MAF: variants seen among roughly 807,000 people sequenced by gnomAD.
The protein encoded by MAF is transcription factor Maf.
Under a neutral mutation model 22.0 loss-of-function variants are expected in MAF, and 10 were observed. The observed-to-expected ratio is 0.45, with a 90% CI of 0.28 to 0.77. The LOEUF (loss-of-function observed/expected upper bound fraction) is 0.77. MAF is among the 30% of genes least tolerant of loss of function. The pLI, the probability that MAF is intolerant of heterozygous loss-of-function variation, is 0.12. For missense variants in MAF, 544 were observed against 548.4 expected (o/e 0.99, Z 0.08); for synonymous variants, 337 against 255.8 (o/e 1.32, Z -3.03).
At chr16:79,241,907 G>C in the MAF span, among the ~76,000 whole-genome samples, 1 of 151,998 alleles carries the variant, frequency 6.6e-6, no homozygotes, top group South Asian at 2.1e-4. Flanking sequence ...TTAAAGAAAA[G>C]AATTTTCAAC....
the MAF span, among the ~76,000 whole-genome samples, chr16:79,405,014 G>A: frequency 6.6e-6 from 1 of 152,144 alleles, no homozygotes; most frequent in Non-Finnish European, 1.5e-5. Context: ...TGTGTCACCG[G>A]GTACTGGAAG....
At chr16:79,461,152 C>G in the MAF span, among the ~76,000 whole-genome samples, 1 of 152,176 alleles carries the variant, frequency 6.6e-6, no homozygotes, top group Non-Finnish European at 1.5e-5. Flanking sequence ...TTTTGTTTAT[C>G]TGTGTTGAAT....
chr16:79,232,170 T>C, the MAF span, among the ~76,000 whole-genome samples: 1 of 152,026 alleles, frequency 6.6e-6, no homozygotes, highest in Non-Finnish European at 1.5e-5. Flanking sequence ...AGGCCATGGA[T>C]TGGTACCAAT....
At chr16:79,390,838 T>A in the MAF span, among the ~76,000 whole-genome samples, 2 of 152,154 alleles carry the variant, frequency 1.3e-5, no homozygotes, top group African/African-American at 4.8e-5. Flanking sequence ...CGCCGTGGGG[T>A]CTTTTCTGCT....
chr16:79,320,744 T>C, the MAF span, among the ~76,000 whole-genome samples: 6 of 152,198 alleles, frequency 3.9e-5, no homozygotes, highest in African/African-American at 1.4e-4. Flanking sequence ...TATAAAACTA[T>C]AGTAGTGTTT....
the MAF span, among the ~76,000 whole-genome samples, chr16:79,235,485 G>A: frequency 1.3e-5 from 2 of 151,962 alleles, no homozygotes; most frequent in Non-Finnish European, 2.9e-5. Context: ...GAGATCGCTT[G>A]AGCCCAGGAG....
At chr16:79,548,704 G>A in the MAF span, among the ~76,000 whole-genome samples, 2 of 152,062 alleles carry the variant, frequency 1.3e-5, no homozygotes, top group Non-Finnish European at 2.9e-5. Flanking sequence ...ACTTCCCCAG[G>A]GAGGCAGTGC....
At chr16:79,548,826 G>A in the MAF span, among the ~76,000 whole-genome samples, 1 of 152,246 alleles carries the variant, frequency 6.6e-6, no homozygotes, top group Non-Finnish European at 1.5e-5. Flanking sequence ...CACACCAGAA[G>A]GTAACCTGAA....
At chr16:79,559,998 G>A in the MAF span, among the ~76,000 whole-genome samples, 2 of 152,096 alleles carry the variant, frequency 1.3e-5, no homozygotes, top group Non-Finnish European at 2.9e-5. Flanking sequence ...TGAACCTCTG[G>A]GGCTCAAGCA....
chr16:79,590,036 C>CTGCGCACCTACTG (rs945648795), downstream of MAF, among the ~76,000 whole-genome samples: 5 of 152,208 alleles, frequency 3.3e-5, no homozygotes, highest in Non-Finnish European at 7.3e-5. Flanking sequence ...GCTCCAGTCC[C>CTGCGCACCTACTG]TGCGCACCTA....
the MAF span, among the ~76,000 whole-genome samples, chr16:79,513,020 G>A: frequency 6.6e-6 from 1 of 152,206 alleles, no homozygotes; most frequent in Non-Finnish European, 1.5e-5. Flanking sequence ...CTGCCCAGAG[G>A]GAGTGCCTTT....
At chr16:79,578,843 T>C in the MAF span, among the ~76,000 whole-genome samples, 2 of 152,212 alleles carry the variant, frequency 1.3e-5, no homozygotes, top group African/African-American at 4.8e-5. Flanking sequence ...TTTGGAGCTT[T>C]AGGGCCCTCT....
At chr16:79,421,816 C>G in the MAF span, among the ~76,000 whole-genome samples, 1 of 151,944 alleles carries the variant, frequency 6.6e-6, no homozygotes, top group Non-Finnish European at 1.5e-5. Context: ...CTTGCTCTAT[C>G]CCCCAGGCTG....
chr16:79,216,072 T>C, the MAF span, among the ~76,000 whole-genome samples: 158 of 152,356 alleles, frequency 1.0e-3, no homozygotes, highest in Non-Finnish European at 1.8e-3. Context: ...ATTATTCCTA[T>C]TTTAGCTTAT....
At chr16:79,255,555 A>T in the MAF span, among the ~76,000 whole-genome samples, 1 of 152,210 alleles carries the variant, frequency 6.6e-6, no homozygotes, top group African/African-American at 2.4e-5. Flanking sequence ...TACTGCCAGA[A>T]GGGGCCTTGG....
chr16:79,567,250 A>T, the MAF span, among the ~76,000 whole-genome samples: 1 of 152,058 alleles, frequency 6.6e-6, no homozygotes, highest in East Asian at 1.9e-4. Context: ...CCCAGGAGAC[A>T]GAGGTTGCAG....
chr16:79,253,710 C>T, the MAF span, among the ~76,000 whole-genome samples: 2 of 152,124 alleles, frequency 1.3e-5, no homozygotes, highest in African/African-American at 2.4e-5. Context: ...AAACATGGAA[C>T]ACCTGCTATT....
At chr16:79,409,894 G>A in the MAF span, among the ~76,000 whole-genome samples, 2 of 152,142 alleles carry the variant, frequency 1.3e-5, no homozygotes, top group South Asian at 2.1e-4. Flanking sequence ...TGGCTAGTAC[G>A]ACCCCTAAAC....
At chr16:79,372,266 C>T in the MAF span, among the ~76,000 whole-genome samples, 3 of 151,870 alleles carry the variant, frequency 2.0e-5, no homozygotes, top group Non-Finnish European at 2.9e-5. Context: ...GGGGAACTTG[C>T]TCAGAGCAAA....
Sources: allele counts gnomAD v4.1 joint callset (sites outside exome capture counted in the v4.1 genomes callset), GRCh38; gene constraint gnomAD v4.1.1; transcripts MANE v1.5; gene names NCBI Gene and HGNC (gene_info 2026-07-23, HGNC 2026-07-21).